The following NCAM2 variants were observed in gnomAD, a reference collection of about 807,000 sequenced individuals.
NCAM2 encodes N-CAM-2.
Under a neutral mutation model 98.1 loss-of-function variants are expected in NCAM2, and 30 were observed. The ratio of observed to expected loss-of-function variants is 0.31; its 90% CI spans 0.23 to 0.41. The LOEUF is 0.41. NCAM2 is among the 10% of genes least tolerant of loss of function. NCAM2 has a pLI of 1.00. For synonymous variants in NCAM2, 368 were observed against 342.4 expected (o/e 1.07, Z -0.83); for missense variants, 867 against 1,005.8 (o/e 0.86, Z 1.87).
chr21:21,538,787 C>T lies in NCAM2; in HGVS notation c.*830C>T, dbSNP rs1025236070. On this transcript the variant is annotated 3_prime_UTR_variant, in exon 18 of 18. Transcript: ENST00000400546. ...AATGGGAACAATATCAATATGGTGT[C>T]TTGATATATTTATAAATATGTGATT... The T allele has an allele frequency of 6.6e-6, 1 of 151,906 alleles. No individual in the cohort carries two copies. The highest frequency in any genetic ancestry group is 2.4e-5 in the African/African-American group (1 of 41,374). 9.4% of individuals were successfully genotyped at this position (151,906 alleles called of 1,614,324 possible).
chr21:21,453,391 C>T (rs2146147508), intron 12 of NCAM2, among the ~76,000 whole-genome samples: 1 of 151,850 alleles, frequency 6.6e-6, no homozygotes, highest in South Asian at 2.1e-4. Flanking sequence ...CCTGGAATGG[C>T]ATGATCAGAG....
At chr21:21,204,690 C>T (rs183817730) in intron 1 of NCAM2, among the ~76,000 whole-genome samples, 17 of 152,116 alleles carry the variant, frequency 1.1e-4, no homozygotes, top group African/African-American at 4.1e-4. Flanking sequence ...TTGAAAGAAC[C>T]TTTATCAGAC....
intron 14 of NCAM2, among the ~76,000 whole-genome samples, chr21:21,469,325 A>C (rs973045): frequency 0.54 from 82,452 of 151,670 alleles, 23,510 homozygotes; most frequent in African/African-American, 0.64. Flanking sequence ...TTTTTGATAG[A>C]GGTTAGAGGT....
chr21:21,525,911 A>T (rs886799163), intron 16 of NCAM2, among the ~76,000 whole-genome samples: 1 of 152,108 alleles, frequency 6.6e-6, no homozygotes, highest in African/African-American at 2.4e-5. Context: ...TCATAAAATC[A>T]TATTAATATA....
intron 1 of NCAM2, among the ~76,000 whole-genome samples, chr21:21,104,372 C>A (rs1305376130): frequency 6.6e-6 from 1 of 152,058 alleles, no homozygotes; most frequent in Admixed American, 6.6e-5. Flanking sequence ...ATTTGCCATA[C>A]ATGTTTTAAA....
At chr21:21,187,332 T>C (rs2146945506) in intron 1 of NCAM2, among the ~76,000 whole-genome samples, 1 of 152,300 alleles carries the variant, frequency 6.6e-6, no homozygotes, top group South Asian at 2.1e-4. Flanking sequence ...GACAACATCA[T>C]TTTAAAATTA....
intron 17 of NCAM2, among the ~76,000 whole-genome samples, chr21:21,535,916 C>A (rs1989957337): frequency 6.6e-6 from 1 of 152,064 alleles, no homozygotes; most frequent in Non-Finnish European, 1.5e-5. Context: ...AACAAACTAT[C>A]AATTTGGTGA....
intron 1 of NCAM2, among the ~76,000 whole-genome samples, chr21:21,242,568 G>C (rs886331161): frequency 3.3e-5 from 5 of 152,066 alleles, no homozygotes; most frequent in Non-Finnish European, 7.4e-5. Flanking sequence ...TAAGATTCTA[G>C]GTGTCAGTGA....
intron 6 of NCAM2, among the ~76,000 whole-genome samples, chr21:21,325,435 C>T (rs2074487653): frequency 6.6e-6 from 1 of 152,116 alleles, no homozygotes; most frequent in Admixed American, 6.6e-5. Flanking sequence ...GTTTCTACTG[C>T]TTATCATTTT....
chr21:21,540,705 G>A lies in NCAM2; in HGVS notation c.*2748G>A, dbSNP rs1054505384. ...TGTCAAAAGAATTGACTGAATATAA[G>A]TACTGTTAAAATAATTTGAACCCTA... On this transcript the variant is annotated 3_prime_UTR_variant, in exon 18 of 18. Transcript: ENST00000400546. The A allele has an allele frequency of 1.3e-5, 2 of 151,882 alleles. No individual in the cohort carries two copies. Among genetic ancestry groups the A allele is most frequent in the African/African-American group, 4.8e-5 (2 of 41,374 alleles). 9.4% of individuals were successfully genotyped at this position (151,882 alleles called of 1,614,324 possible). A position where few individuals can be genotyped will look rare whatever the true frequency, so the allele number is the denominator to read the frequency against.
intron 1 of NCAM2, among the ~76,000 whole-genome samples, chr21:21,071,981 C>T (rs9980788): frequency 0.022 from 3,303 of 147,972 alleles, 16 homozygotes; most frequent in African/African-American, 0.08. Context: ...GGCGCGATCT[C>T]GGCTCACTGC....
chr21:21,299,005 TC>T (rs2073603564), intron 5 of NCAM2, among the ~76,000 whole-genome samples: 1 of 151,450 alleles, frequency 6.6e-6, no homozygotes, highest in South Asian at 2.1e-4. Flanking sequence ...GTGAATCCTA[TC>T]ATTTGTGAAA....
chr21:21,358,955 CT>C (rs2075569632), intron 8 of NCAM2, among the ~76,000 whole-genome samples: 1 of 151,990 alleles, frequency 6.6e-6, no homozygotes, highest in Admixed American at 6.6e-5. Context: ...TTCTGTTTAG[CT>C]TTCCATATAA....
rs575520469 is a variant in NCAM2, at chr21:21,256,380, T to C, written c.56-24198T>C. ...TCTCAAATAATAATAATGATGATAA[T>C]AGTAATATTTCTAATTACTAGCCTA... On this transcript the variant is annotated intron_variant, in intron 1 of 17. Transcript: ENST00000400546. Among the ~76,000 whole-genome samples the C allele has an allele frequency of 1.7e-3, 259 of 152,208 alleles. 1 individual carries two copies. Among genetic ancestry groups the C allele is most frequent in the South Asian group, 8.5e-3 (41 of 4,824 alleles).
intron 4 of NCAM2, among the ~76,000 whole-genome samples, chr21:21,291,839 T>C (rs1054995778): frequency 2.6e-5 from 4 of 151,632 alleles, no homozygotes; most frequent in Non-Finnish European, 4.4e-5. Flanking sequence ...GGGGAAATAA[T>C]AGCCTAACCA....
At chr21:21,357,180 G>A (rs910446611) in intron 8 of NCAM2, among the ~76,000 whole-genome samples, 1 of 151,982 alleles carries the variant, frequency 6.6e-6, no homozygotes, top group Admixed American at 6.6e-5. Context: ...GCTTTCACAA[G>A]GTCACAAATA....
intron 1 of NCAM2, among the ~76,000 whole-genome samples, chr21:21,199,684 C>T (rs551700632): frequency 3.3e-5 from 5 of 152,260 alleles, no homozygotes; most frequent in African/African-American, 4.8e-5. Flanking sequence ...TTAATATCTA[C>T]GTAAGAAATA....
At chr21:21,266,588 G>A (rs2147396521) in intron 1 of NCAM2, among the ~76,000 whole-genome samples, 1 of 152,120 alleles carries the variant, frequency 6.6e-6, no homozygotes, top group South Asian at 2.1e-4. Flanking sequence ...GGATGAAGCT[G>A]GAAACCATCA....
intron 12 of NCAM2, among the ~76,000 whole-genome samples, chr21:21,463,585 G>A (rs542947154): frequency 1.3e-5 from 2 of 152,080 alleles, no homozygotes; most frequent in Admixed American, 1.3e-4. Flanking sequence ...TGCCCTCTTC[G>A]CTCCTTTCTT....
Sources: gnomAD v4.1 joint callset for allele counts (sites outside exome capture counted in the v4.1 genomes callset) on GRCh38, gnomAD v4.1.1 for gene constraint, MANE v1.5 for transcripts, NCBI Gene and HGNC (gene_info 2026-07-23, HGNC 2026-07-21) for gene names.